DMD: variants seen among roughly 807,000 people sequenced by gnomAD.
DMD encodes the protein mutant dystrophin.
DMD carries 63 observed loss-of-function variants against 330.1 expected under a neutral mutation model. The observed-to-expected ratio is 0.19, with a 90% CI of 0.16 to 0.24. The LOEUF is 0.24. Among genes scored for constraint, DMD ranks in the 10% least tolerant of loss-of-function variants. The pLI, the probability that DMD is intolerant of heterozygous loss-of-function variation, is 1.00. For missense variants in DMD, 3,344 were observed against 2,684.1 expected, an observed-to-expected ratio of 1.25 and a Z score of -5.43; for synonymous variants, 1,223 against 959.8, an observed-to-expected ratio of 1.27 and a Z score of -5.07.
chrX:32,036,810 G>A (rs2095951440), intron 44 of DMD, among the ~76,000 whole-genome samples: 1 of 111,675 alleles, frequency 9.0e-6, no homozygotes, highest in Non-Finnish European at 1.9e-5. Context: ...TAATGGAAGG[G>A]CAGATGAGGA....
intron 29 of DMD, among the ~76,000 whole-genome samples, chrX:32,420,463 C>T (rs905929829): frequency 3.6e-5 from 4 of 111,874 alleles, no homozygotes; most frequent in African/African-American, 1.3e-4. Flanking sequence ...GTTAATTAGC[C>T]AAATACAGAA....
At chrX:32,722,598 T>A (rs1029427114) in intron 7 of DMD, among the ~76,000 whole-genome samples, 2 of 111,058 alleles carry the variant, frequency 1.8e-5, no homozygotes, top group Non-Finnish European at 3.8e-5. Context: ...ACATGGGATA[T>A]TTTCCCATAT....
intron 43 of DMD, among the ~76,000 whole-genome samples, chrX:32,264,088 T>C (rs973733224): frequency 3.6e-5 from 4 of 111,382 alleles, no homozygotes; most frequent in Non-Finnish European, 7.5e-5. Context: ...AATCCCCAGA[T>C]GTCATGGGAG....
chrX:32,903,136 C>A (rs1166300974), intron 2 of DMD, among the ~76,000 whole-genome samples: 2 of 59,043 alleles, frequency 3.4e-5, no homozygotes, highest in Non-Finnish European at 5.6e-5. Context: ...CAGAGTGAGA[C>A]TCAGTCTCAA....
At chrX:32,521,226 G>C (rs766135868) in intron 17 of DMD, among the ~76,000 whole-genome samples, 150 of 112,107 alleles carry the variant, frequency 1.3e-3, no homozygotes, top group African/African-American at 2.0e-3. Context: ...CTGGAGTGCA[G>C]TGGTGCAATC....
chrX:32,536,654 A>T (rs1244186693), intron 17 of DMD, among the ~76,000 whole-genome samples: 1 of 112,271 alleles, frequency 8.9e-6, no homozygotes, highest in South Asian at 3.7e-4. Flanking sequence ...AACTTTCTTG[A>T]CAAAGGAAGG....
chrX:31,756,463 T>TACACAC (rs58167942), intron 51 of DMD, among the ~76,000 whole-genome samples: 2 of 106,756 alleles, frequency 1.9e-5, no homozygotes, highest in African/African-American at 3.4e-5. Context: ...CGTGTATGTG[T>TACACAC]ACACACACAC....
chrX:32,250,474 T>C (rs2097259084), intron 43 of DMD, among the ~76,000 whole-genome samples: 1 of 112,178 alleles, frequency 8.9e-6, no homozygotes, highest in Non-Finnish European at 1.9e-5. Context: ...TAGCAGGTTT[T>C]ATTTTTCTCC....
intron 48 of DMD, among the ~76,000 whole-genome samples, chrX:31,848,040 C>CTG (rs745954868): frequency 1.6e-4 from 18 of 110,759 alleles, no homozygotes; most frequent in African/African-American, 4.2e-4. Flanking sequence ...GTTGTGTATA[C>CTG]TGTGTGTGTG....
intron 2 of DMD, among the ~76,000 whole-genome samples, chrX:32,973,125 C>A (rs2092440618): frequency 8.9e-6 from 1 of 112,087 alleles, no homozygotes; most frequent in Non-Finnish European, 1.9e-5. Context: ...CTGTCAAATT[C>A]TTCCAAATGT....
intron 17 of DMD, 32 bp from the exon 18 acceptor site, chrX:32,518,163 CTTGA>C (rs760614423): frequency 4.5e-5 from 53 of 1,174,923 alleles, no homozygotes; most frequent in Non-Finnish European, 5.8e-5. Context: ...GTCATTATTT[CTTGA>C]TTATCTCTTT....
intron 1 of DMD, among the ~76,000 whole-genome samples, chrX:33,107,389 G>A (rs1364719033): frequency 2.0e-5 from 2 of 100,636 alleles, no homozygotes; most frequent in African/African-American, 3.7e-5. Context: ...CATGCCAAGA[G>A]GGTAGGAATA....
chrX:31,990,394 G>A (rs2095542156), intron 44 of DMD, among the ~76,000 whole-genome samples: 1 of 111,876 alleles, frequency 8.9e-6, no homozygotes, highest in Admixed American at 9.5e-5. Context: ...CAGTAGAGTA[G>A]TAGGAAAGTG....
At chrX:33,180,892 G>C (rs2049966919) in intron 1 of DMD, among the ~76,000 whole-genome samples, 1 of 105,636 alleles carries the variant, frequency 9.5e-6, no homozygotes, top group Admixed American at 1.0e-4. Context: ...GTGGAGAAAG[G>C]GTGAGAGAGG....
chrX:32,086,698 A>T (rs1169459478), intron 44 of DMD, among the ~76,000 whole-genome samples: 2 of 111,622 alleles, frequency 1.8e-5, no homozygotes, highest in African/African-American at 3.3e-5. Context: ...GTGACAGTAG[A>T]TGCTAATTGA....
chrX:31,867,501 C>T lies in DMD; in HGVS notation c.7098+7687G>A, dbSNP rs752544260. Among the ~76,000 whole-genome samples, 3 of 110,935 alleles carry T rather than the reference C, an allele frequency of 2.7e-5. No individual in the cohort carries two copies. The South Asian group carries it at 1.1e-3, about 41-fold the overall frequency. ...TTACAACCTTTGATATTTTGCTTTT[C>T]CCAGGTCAATTCTTAAATAAAATTT... On this transcript the variant is annotated intron_variant, in intron 48 of 78. Transcript: ENST00000357033.
At chrX:32,765,560 G>A (rs2148417144) in intron 7 of DMD, among the ~76,000 whole-genome samples, 1 of 111,554 alleles carries the variant, frequency 9.0e-6, no homozygotes, top group East Asian at 2.8e-4. Flanking sequence ...TTAGAGCAAT[G>A]CAAGAATGGA....
At chrX:31,194,868 C>T (rs906651284) in intron 67 of DMD, among the ~76,000 whole-genome samples, 7 of 111,516 alleles carry the variant, frequency 6.3e-5, no homozygotes, top group Non-Finnish European at 1.1e-4. Flanking sequence ...ACAAACCTAA[C>T]GCAAAATTGA....
intron 1 of DMD, among the ~76,000 whole-genome samples, chrX:33,240,146 C>T (rs764731818): frequency 9.0e-5 from 10 of 111,427 alleles, no homozygotes; most frequent in African/African-American, 2.6e-4. Context: ...CCATATTGTA[C>T]AATAGATCTC....
Sources: allele counts gnomAD v4.1 joint callset (sites outside exome capture counted in the v4.1 genomes callset), GRCh38; gene constraint gnomAD v4.1.1; transcripts MANE v1.5; gene names NCBI Gene and HGNC (gene_info 2026-07-23, HGNC 2026-07-21).